PRKACB: variants seen among roughly 807,000 people sequenced by gnomAD.
The protein encoded by PRKACB is protein kinase cAMP-activated catalytic subunit beta, also known as cAMP-dependent protein kinase catalytic subunit beta.
A neutral mutation model predicts 51.4 loss-of-function variants in PRKACB; 16 were observed. The ratio of observed to expected loss-of-function variants is 0.31; its 90% CI spans 0.21 to 0.47. PRKACB has a LOEUF of 0.47. Among genes scored for constraint, PRKACB ranks in the 20% least tolerant of loss-of-function variants. PRKACB has a pLI of 1.00. For synonymous variants in PRKACB, 147 were observed against 154.4 expected (o/e 0.95, Z 0.35); for missense variants, 309 against 464.5 (o/e 0.67, Z 3.08).
At chr1:84,181,369 T>A (rs377207172) in intron 2 of PRKACB, among the ~76,000 whole-genome samples, 4 of 152,160 alleles carry the variant, frequency 2.6e-5, no homozygotes. Context: ...AATTACTACT[T>A]CTTGCCATTT....
At chr1:84,129,849 A>G (rs566443639) in intron 1 of PRKACB, among the ~76,000 whole-genome samples, 5 of 152,344 alleles carry the variant, frequency 3.3e-5, no homozygotes, top group African/African-American at 1.2e-4. Flanking sequence ...TGCTTTTAGC[A>G]ATTTCTTCCT....
chr1:84,140,115 A>G (rs1193359913), upstream of PRKACB, among the ~76,000 whole-genome samples: 1 of 152,202 alleles, frequency 6.6e-6, no homozygotes, highest in Non-Finnish European at 1.5e-5. Context: ...CAGACTTACT[A>G]GAAAGCTATG....
chr1:84,091,241 T>C (rs374364421), intron 1 of PRKACB, among the ~76,000 whole-genome samples: 167 of 152,282 alleles, frequency 1.1e-3, no homozygotes, highest in African/African-American at 3.9e-3. Context: ...TGCTGTATTA[T>C]AGTTACTTAC....
intron 1 of PRKACB, among the ~76,000 whole-genome samples, chr1:84,078,678 G>A (rs1173573830): frequency 6.6e-6 from 1 of 152,194 alleles, no homozygotes; most frequent in Non-Finnish European, 1.5e-5. Context: ...AATATGGTCC[G>A]AGGAAAGAAG....
intron 1 of PRKACB, among the ~76,000 whole-genome samples, chr1:84,086,435 C>T (rs899954554): frequency 3.9e-5 from 6 of 152,094 alleles, no homozygotes; most frequent in Non-Finnish European, 5.9e-5. Context: ...ACATGCCTTT[C>T]GTCCCCTCCC....
chr1:84,084,748 G>T (rs968519368), intron 1 of PRKACB, among the ~76,000 whole-genome samples: 1 of 152,176 alleles, frequency 6.6e-6, no homozygotes, highest in Non-Finnish European at 1.5e-5. Flanking sequence ...TAGATGGGTT[G>T]TAACGCCAGT....
At chr1:84,136,598 A>T (rs567238804) in intron 1 of PRKACB, among the ~76,000 whole-genome samples, 6 of 152,126 alleles carry the variant, frequency 3.9e-5, no homozygotes, top group African/African-American at 7.2e-5. Flanking sequence ...TGAAAATGGC[A>T]CAACCACTTT....
At chr1:84,117,100 G>A (rs560826768) in intron 1 of PRKACB, among the ~76,000 whole-genome samples, 1 of 151,816 alleles carries the variant, frequency 6.6e-6, no homozygotes, top group Non-Finnish European at 1.5e-5. Context: ...TTGATGTGGT[G>A]CATCCCATTT....
At chr1:84,212,706 C>T (rs1355604675) in intron 8 of PRKACB, among the ~76,000 whole-genome samples, 2 of 152,088 alleles carry the variant, frequency 1.3e-5, no homozygotes, top group African/African-American at 2.4e-5. Context: ...TCCTATCCAA[C>T]TAGAATGTAA....
chr1:84,228,870 A>T (rs1288955584), intron 9 of PRKACB, among the ~76,000 whole-genome samples: 6 of 152,180 alleles, frequency 3.9e-5, no homozygotes, highest in Non-Finnish European at 5.9e-5. Flanking sequence ...TTAAGACTGA[A>T]GTTTTGTAAC....
intron 9 of PRKACB, among the ~76,000 whole-genome samples, chr1:84,229,900 G>A (rs1675311270): frequency 6.6e-6 from 1 of 152,024 alleles, no homozygotes; most frequent in Non-Finnish European, 1.5e-5. Flanking sequence ...CACTCTGATG[G>A]TAGTTTCTTT....
chr1:84,146,144 TG>T (rs766394242), intron 1 of PRKACB, among the ~76,000 whole-genome samples: 1,998 of 82,456 alleles, frequency 0.024, 48 homozygotes, highest in African/African-American at 0.065. Flanking sequence ...AATGCTGTTT[TG>T]TTTTTTTTTT....
chr1:84,229,526 G>A (rs921099660), intron 9 of PRKACB, among the ~76,000 whole-genome samples: 3 of 144,794 alleles, frequency 2.1e-5, no homozygotes, highest in African/African-American at 5.2e-5. Flanking sequence ...CACAATGGTT[G>A]AACTAGTTTA....
At chr1:84,082,806 A>G (rs927125770) in intron 1 of PRKACB, among the ~76,000 whole-genome samples, 1 of 152,192 alleles carries the variant, frequency 6.6e-6, no homozygotes, top group Non-Finnish European at 1.5e-5. Flanking sequence ...TGGACAACAC[A>G]GGTTTAGAAC....
intron 9 of PRKACB, among the ~76,000 whole-genome samples, chr1:84,225,771 C>T (rs1310956708): frequency 1.3e-5 from 2 of 152,078 alleles, no homozygotes; most frequent in Non-Finnish European, 2.9e-5. Flanking sequence ...AAATGTGGAC[C>T]ACTGGGGATC....
rs765097867 is a variant in PRKACB, at chr1:84,197,779, A to G, written c.738A>G (p.Leu246=). The G allele has an allele frequency of 8.1e-6, 13 of 1,612,092 alleles. No individual in the cohort carries two copies. In the South Asian group the frequency reaches 1.3e-4, roughly 16 times the overall value. Reference sequence around the variant, plus strand: ...GAGTTAAAGGCAGAACTTGGACATTATGTGGAACTCCAGAGTATTTGGCTC... The same window carrying G: ...GAGTTAAAGGCAGAACTTGGACATTGTGTGGAACTCCAGAGTATTTGGCTC... The part of the protein sequence containing the change: ...AKRVKGRTWT[L]CGTPEYLAPE... Residue 246 remains leucine, a synonymous_variant, in exon 7 of 10, where the codon TTA becomes TTG. Coordinates refer to ENST00000370685, the MANE Select transcript of PRKACB (RefSeq NM_182948.4).
intron 5 of PRKACB, among the ~76,000 whole-genome samples, chr1:84,185,665 A>T: frequency 6.6e-6 from 1 of 152,154 alleles, no homozygotes; most frequent in East Asian, 1.9e-4. Flanking sequence ...TTTTTAAAAT[A>T]TACACATAAT....
chr1:84,214,242 AAAGAATGGT>A lies in PRKACB; in HGVS notation c.997_1005del (p.Lys333_Gly335del). 1 of 1,613,710 alleles carries A rather than the reference AAAGAATGGT, an allele frequency of 6.2e-7. No individual in the cohort carries two copies. Among genetic ancestry groups the A allele is most frequent in the Non-Finnish European group, 8.5e-7 (1 of 1,179,800 alleles). The stretch of plus-strand genomic sequence containing the variant: ...ATTTGACCAAGAGATTTGGAAATCT[AAAGAATGGT>A]GTCAGTGATATAAAAACTCACAAGT... On this transcript the variant is annotated inframe_deletion, in exon 9 of 10. Transcript: ENST00000370685.
chr1:84,150,971 G>A (rs1222204101), intron 1 of PRKACB, among the ~76,000 whole-genome samples: 2 of 151,928 alleles, frequency 1.3e-5, no homozygotes, highest in African/African-American at 4.8e-5. Context: ...AAATAAAATT[G>A]CGTATATTTA....
Sources: allele counts gnomAD v4.1 joint callset (sites outside exome capture counted in the v4.1 genomes callset), GRCh38; gene constraint gnomAD v4.1.1; transcripts MANE v1.5; gene names NCBI Gene and HGNC (gene_info 2026-07-23, HGNC 2026-07-21).